Variants in NBPF12 observed in about 807,000 individuals in gnomAD.
NBPF12 encodes the protein NBPF member 12.
Under a neutral mutation model 146.4 loss-of-function variants are expected in NBPF12, and 115 were observed. That is an observed-to-expected ratio of 0.79 (90% CI 0.68 to 0.92). NBPF12 has a LOEUF of 0.92. Ranked by LOEUF, NBPF12 falls within the 40% of genes least tolerant of loss-of-function variation. The probability of loss-of-function intolerance (pLI) is 0.00; values close to 1 mark genes in which losing one functional copy is unlikely to be tolerated. For synonymous variants in NBPF12, 385 were observed against 508.9 expected (o/e 0.76, Z 3.28); for missense variants, 1,205 against 1,326.8 (o/e 0.91, Z 1.43).
At chr1:146,966,032 G>A (rs1463247967) in intron 8 of NBPF12, among the ~76,000 whole-genome samples, 29 of 151,766 alleles carry the variant, frequency 1.9e-4, no homozygotes, top group African/African-American at 6.6e-4. Flanking sequence ...GCTTGAACCC[G>A]GGAGGCAGAG....
In NBPF12 at chr1:146,957,859, C is replaced by T. The variant is rs1186340084; in HGVS notation, c.-183-2000C>T. Among the ~76,000 whole-genome samples the T allele has an allele frequency of 3.5e-4, 31 of 88,752 alleles. 4 individuals are homozygous for T. The highest frequency in any genetic ancestry group is 1.4e-3 in the South Asian group (2 of 1,416). 58.2% of individuals were successfully genotyped at this position (88,752 alleles called of 152,430 possible). On this transcript the variant is annotated intron_variant, in intron 2 of 33. Transcript: ENST00000617844. ...AAAATATAATATATATATATATACA[C>T]GTGTTATATATATTGTATATTATGT...
In NBPF12 at chr1:146,943,684, C is replaced by G. The variant is rs1553883057; in HGVS notation, c.-550+122C>G. On this transcript the variant is annotated intron_variant, in intron 2 of 35. Transcript: ENST00000617931. ...TCACAGGGCCTTGCGTGGCATCAAA[C>G]AGATATTAAATAAATATTTGTTAAA... 9.9e-6 allele frequency: 6 copies of G among 606,678 alleles called. No individual in the cohort carries two copies. In the African/African-American group the frequency reaches 1.2e-4, roughly 12 times the overall value. 37.6% of individuals were successfully genotyped at this position (606,678 alleles called of 1,614,324 possible).
intron 1 of NBPF12, among the ~76,000 whole-genome samples, chr1:146,940,904 A>T (rs1553882774): frequency 6.6e-6 from 1 of 151,754 alleles, no homozygotes; most frequent in Admixed American, 6.6e-5. Flanking sequence ...GTCCTCTTTC[A>T]TGAAGTGCCT....
intron 33 of NBPF12, among the ~76,000 whole-genome samples, chr1:146,993,990 T>C (rs1305901849): frequency 2.7e-5 from 2 of 74,992 alleles, no homozygotes; most frequent in African/African-American, 1.3e-4. Flanking sequence ...GAGCTCACTC[T>C]TTTCATGATC....
chr1:146,970,506 A>C, intron 11 of NBPF12, 141 bp from the exon 15 acceptor site: 1 of 1,192,482 alleles, frequency 8.4e-7, no homozygotes, highest in Non-Finnish European at 1.2e-6. Context: ...ATGCCAGGGC[A>C]TTTTGTGAAA....
chr1:146,956,457 T>C (rs2101835058), intron 2 of NBPF12, among the ~76,000 whole-genome samples: 1 of 151,742 alleles, frequency 6.6e-6, no homozygotes, highest in East Asian at 1.9e-4. Context: ...TAAACGTGCA[T>C]TGAATTACAC....
At chr1:146,950,139 C>T (rs1655266105) in intron 1 of NBPF12, among the ~76,000 whole-genome samples, 1 of 152,010 alleles carries the variant, frequency 6.6e-6, no homozygotes, top group Non-Finnish European at 1.5e-5. Flanking sequence ...CCCCCATCTG[C>T]AAAGTGCATT....
At chr1:146,951,555 T>A in intron 2 of NBPF12, 66 bp downstream of exon 5, 1 of 529,228 alleles carries the variant, frequency 1.9e-6, no homozygotes, top group East Asian at 3.3e-5. Flanking sequence ...GGCAGAGATG[T>A]GTCCTTTATT....
intron 11 of NBPF12, 66 bp downstream of exon 14, chr1:146,969,662 C>T (rs1656446877): frequency 2.0e-6 from 3 of 1,531,912 alleles, no homozygotes; most frequent in Admixed American, 3.4e-5. Context: ...GACCTCCATA[C>T]TTTCACAATG....
At chr1:146,961,737 A>G (rs1655863356) in intron 4 of NBPF12, among the ~76,000 whole-genome samples, 1 of 151,876 alleles carries the variant, frequency 6.6e-6, no homozygotes, top group African/African-American at 2.4e-5. Flanking sequence ...TCCTTGAAAT[A>G]CCCAGTAAAA....
intron 5 of NBPF12, among the ~76,000 whole-genome samples, chr1:146,962,806 G>T (rs1655942830): frequency 6.7e-6 from 1 of 150,316 alleles, no homozygotes; most frequent in African/African-American, 2.5e-5. Context: ...GTGAGGAACT[G>T]AAAGGATGTC....
exon 34 of NBPF12, chr1:146,995,585 C>T (rs1304849550): frequency 6.6e-6 from 1 of 151,710 alleles, no homozygotes; most frequent in East Asian, 1.9e-4. Flanking sequence ...GAGGACAGGT[C>T]AGCTCTCTGG....
At chr1:146,970,567 A>T in intron 11 of NBPF12, 80 bp from the exon 15 acceptor site, 1 of 1,533,056 alleles carries the variant, frequency 6.5e-7, no homozygotes, top group South Asian at 1.1e-5. Context: ...ATAGATGTTC[A>T]TGTCTCTGTG....
At position 146,966,529 on chromosome 1, in the gene NBPF12, G is replaced by T; in HGVS notation, c.844G>T (p.Glu282Ter). Residue 282 changes from glutamate (E) to a stop codon, truncating the protein, a stop_gained, in exon 9 of 34, where the codon GAG becomes TAG. Coordinates refer to ENST00000617844, the Ensembl canonical transcript of NBPF12. LOFTEE classifies it high-confidence loss of function. The stretch of plus-strand genomic sequence containing the variant: ...GGTATCAGCCGGCCCTTTGTCCAGC[G>T]AGAAGGCAGAGATGAACATTCTAGA... The T allele has an allele frequency of 6.8e-7, 1 of 1,474,208 alleles. No individual in the cohort carries two copies. The highest frequency in any genetic ancestry group is 1.1e-5 in the South Asian group (1 of 87,926). The allele number at this position is 1,474,208 out of a possible 1,614,324, so 91.3% of individuals were successfully genotyped here.
At chr1:146,944,966 TCCTCCCTC>T (rs1402092749), upstream of NBPF12, among the ~76,000 whole-genome samples, 4 of 25,118 alleles carry the variant, frequency 1.6e-4, no homozygotes, top group Non-Finnish European at 2.8e-4. Context: ...CTCCCTCCCT[TCCTCCCTC>T]CCTCCCTGCC....
chr1:146,966,636 A>C (rs1656231002), exon 9 of NBPF12: 17 of 1,509,198 alleles, frequency 1.1e-5, no homozygotes, highest in Non-Finnish European at 1.6e-5. Context: ...TTGTAACTCA[A>C]CTGGCCGGCT....
At chr1:146,960,688 T>A (rs1655792780) in intron 4 of NBPF12, among the ~76,000 whole-genome samples, 1 of 151,986 alleles carries the variant, frequency 6.6e-6, no homozygotes, top group Non-Finnish European at 1.5e-5. Flanking sequence ...CTAGGACTAG[T>A]GAACTTTTAT....
chr1:146,966,577 C>G, exon 9 of NBPF12: 4 of 1,427,050 alleles, frequency 2.8e-6, no homozygotes, highest in South Asian at 2.3e-5. Flanking sequence ...GTTGCGCCCC[C>G]AGCTGGCAGA....
At chr1:146,994,926 T>C (rs1179905928) in exon 34 of NBPF12, 2 of 380,328 alleles carry the variant, frequency 5.3e-6, no homozygotes, top group African/African-American at 4.2e-5. Flanking sequence ...CAGTGTCATC[T>C]TTGTGTTTAG....
Sources: gnomAD v4.1 joint callset for allele counts (sites outside exome capture counted in the v4.1 genomes callset) on GRCh38, gnomAD v4.1.1 for gene constraint, MANE v1.5 for transcripts, NCBI Gene and HGNC (gene_info 2026-07-23, HGNC 2026-07-21) for gene names.